Variants in MAP3K7CL observed in about 807,000 individuals in gnomAD.
The protein encoded by MAP3K7CL is MAP3K7 C-terminal like, also known as MAP3K7 C-terminal-like protein.
In MAP3K7CL, 16 loss-of-function variants were observed where a neutral mutation model predicts 18.6. The ratio of observed to expected loss-of-function variants is 0.86; its 90% confidence interval spans 0.58 to 1.31. The LOEUF is 1.31. Among genes scored for constraint, MAP3K7CL ranks in the 50% most tolerant of loss-of-function variants. MAP3K7CL has a pLI of 0.00. For synonymous variants in MAP3K7CL, 65 were observed against 66.8 expected (o/e 0.97, Z 0.13); for missense variants, 163 against 174.4 (o/e 0.93, Z 0.37).
intron 4 of MAP3K7CL, among the ~76,000 whole-genome samples, chr21:29,103,589 G>A (rs1440210958): frequency 6.6e-6 from 1 of 152,142 alleles, no homozygotes; most frequent in Non-Finnish European, 1.5e-5. Flanking sequence ...AAAAGAATTA[G>A]CCAGGCGTGG....
At chr21:29,132,343 G>A (rs2086794949) in intron 1 of MAP3K7CL, among the ~76,000 whole-genome samples, 3 of 152,004 alleles carry the variant, frequency 2.0e-5, no homozygotes, top group Admixed American at 2.0e-4. Flanking sequence ...TTTGATAGCT[G>A]GAGTAGAATA....
Position 29,140,844 on chromosome 21 carries a change from C to A in MAP3K7CL, c.70+7430C>A, listed in dbSNP as rs1444304086. Reference sequence around the variant, plus strand: ...CCAGGCTGGAGTGCAGTGGTGCAATCTTGGCTCACTAGAGCCTCAACCTCC... The same window carrying A: ...CCAGGCTGGAGTGCAGTGGTGCAATATTGGCTCACTAGAGCCTCAACCTCC... On this transcript the variant is annotated intron_variant, in intron 2 of 4. Coordinates refer to ENST00000399928, the MANE Select transcript of MAP3K7CL (RefSeq NM_001286620.2). 1.3e-5 allele frequency among the ~76,000 whole-genome samples: 2 copies of A among 152,186 alleles called. 1 individual carries two copies. The highest frequency in any genetic ancestry group is 4.1e-4 in the South Asian group (2 of 4,828).
At position 29,085,900 on chromosome 21, in the gene MAP3K7CL, G is replaced by C. The variant is rs140644118; in HGVS notation, c.40G>C (p.Glu14Gln). The C allele has an allele frequency of 8.7e-6, 14 of 1,614,102 alleles. No individual in the cohort carries two copies. The highest frequency in any genetic ancestry group is 1.2e-5 in the Non-Finnish European group (14 of 1,179,996). Residue 14 changes from glutamate to glutamine, a missense_variant, in exon 1 of 7, where the codon GAG becomes CAG. Transcript: ENST00000286791. ...TGCACCTTTAGAAGTTATGTGGAAC[G>C]AGGCAGCAGATCTTAAGGTATGTCC... is the stretch of plus-strand genomic sequence containing the variant.
intron 4 of MAP3K7CL, 94 bp downstream of exon 4, chr21:29,160,150 A>G: frequency 1.1e-6 from 1 of 882,584 alleles, no homozygotes; most frequent in Non-Finnish European, 1.8e-6. Flanking sequence ...TGTGAGGATG[A>G]CAGGGAGGCA....
Position 29,159,926 on chromosome 21 carries a change from T to C in MAP3K7CL, c.133-15T>C, listed in dbSNP as rs1365611969. The C allele has an allele frequency of 8.1e-6, 13 of 1,602,624 alleles. No individual in the cohort carries two copies. Among genetic ancestry groups the C allele is most frequent in the African/African-American group, 4.0e-5 (3 of 74,568 alleles). ...TGCAAAGAAATGGACTAATTTCTTC[T>C]TGTTGTTTGTGAAGCCCCTGCCGCC... On this transcript the variant is annotated splice_polypyrimidine_tract_variant and intron_variant, in intron 3 of 4. Transcript: ENST00000399928.
intron 1 of MAP3K7CL, among the ~76,000 whole-genome samples, chr21:29,088,281 T>C (rs1304361195): frequency 6.6e-6 from 1 of 152,362 alleles, no homozygotes; most frequent in East Asian, 1.9e-4. Flanking sequence ...AAAGTTTAAA[T>C]GTAACCATAA....
chr21:29,147,223 A>G (rs1205936801), intron 2 of MAP3K7CL, among the ~76,000 whole-genome samples: 1 of 152,002 alleles, frequency 6.6e-6, no homozygotes, highest in African/African-American at 2.4e-5. Context: ...GTATATATGT[A>G]TAGGTACTAT....
chr21:29,123,684 G>A (rs2086636074), intron 4 of MAP3K7CL, among the ~76,000 whole-genome samples: 1 of 152,196 alleles, frequency 6.6e-6, no homozygotes, highest in African/African-American at 2.4e-5. Context: ...GAAAATGTTT[G>A]TGATAAAATT....
At chr21:29,139,873 G>A (rs928344004) in intron 2 of MAP3K7CL, among the ~76,000 whole-genome samples, 2 of 146,230 alleles carry the variant, frequency 1.4e-5, no homozygotes, top group Admixed American at 6.8e-5. Context: ...AGTGAGCCAC[G>A]ACGCCCAGGC....
chr21:29,151,243 A>G (rs1159677302), intron 3 of MAP3K7CL, among the ~76,000 whole-genome samples: 1 of 151,318 alleles, frequency 6.6e-6, no homozygotes, highest in East Asian at 2.0e-4. Context: ...TGGGAGGCTG[A>G]GGCGGGTGGA....
chr21:29,159,963 C>A lies in MAP3K7CL; in HGVS notation c.155C>A (p.Ser52Tyr). 6.2e-7 allele frequency: 1 copy of A among 1,613,782 alleles called. No individual in the cohort carries two copies. Among genetic ancestry groups the A allele is most frequent in the African/African-American group, 1.3e-5 (1 of 75,002 alleles). ...AAGCCCCTGCCGCCTTGTCATGACT[C>A]CGAGGAATCCATGGAGGTGTTCAAA... The part of the protein sequence containing the change: ...QLQPLPPCHD[S>Y]EESMEVFKQH... The change falls in exon 4 of 5, where the codon TCC becomes TAC. Residue 52 changes from serine (S) to tyrosine (Y), a missense_variant. By Grantham distance (144) the Ser-to-Tyr change is moderately radical. Transcript: ENST00000399928.
intron 4 of MAP3K7CL, chr21:29,109,089 A>G (rs2086374425): frequency 1.3e-6 from 2 of 1,535,192 alleles, no homozygotes; most frequent in South Asian, 1.2e-5. Context: ...CTTGTTCATC[A>G]TTTCATTTCC....
At chr21:29,138,393 A>G (rs2086929940) in intron 2 of MAP3K7CL, among the ~76,000 whole-genome samples, 1 of 152,258 alleles carries the variant, frequency 6.6e-6, no homozygotes. Context: ...CTTAATAGAA[A>G]AAGTGCAGAA....
intron 4 of MAP3K7CL, among the ~76,000 whole-genome samples, chr21:29,106,930 T>C (rs1228724758): frequency 6.6e-6 from 1 of 152,132 alleles, no homozygotes; most frequent in Non-Finnish European, 1.5e-5. Flanking sequence ...AGCTGCGGCT[T>C]GTTGGGGAAG....
chr21:29,103,183 T>A (rs771236015), intron 4 of MAP3K7CL, among the ~76,000 whole-genome samples: 1 of 152,192 alleles, frequency 6.6e-6, no homozygotes, highest in Non-Finnish European at 1.5e-5. Flanking sequence ...TGTCTGTTGG[T>A]TTATATAGTG....
intron 4 of MAP3K7CL, among the ~76,000 whole-genome samples, chr21:29,099,792 A>G (rs1452967823): frequency 6.6e-6 from 1 of 152,132 alleles, no homozygotes; most frequent in Non-Finnish European, 1.5e-5. Flanking sequence ...TTTAAAAAAA[A>G]CAAAAAAGGG....
chr21:29,105,435 G>A (rs1272771099), intron 4 of MAP3K7CL, among the ~76,000 whole-genome samples: 1 of 152,188 alleles, frequency 6.6e-6, no homozygotes, highest in Non-Finnish European at 1.5e-5. Context: ...TTGGCCTCAG[G>A]GAGGAGCTTC....
At position 29,118,860 on chromosome 21, in the gene MAP3K7CL, G is replaced by A. The variant is rs184067187; in HGVS notation, c.370+26279G>A. Among the ~76,000 whole-genome samples, 34 of 152,308 alleles carry A rather than the reference G, an allele frequency of 2.2e-4. 1 individual carries two copies. In the East Asian group the frequency reaches 5.0e-3, roughly 22 times the overall value. On this transcript the variant is annotated intron_variant, in intron 4 of 6. Coordinates refer to the MAP3K7CL transcript ENST00000286791. ...TAATTTTTCTTTAAGTTGTGCATGC[G>A]CATATGTTAAGGAGTCAAATAGTTC... is the stretch of plus-strand genomic sequence containing the variant.
intron 4 of MAP3K7CL, among the ~76,000 whole-genome samples, chr21:29,118,692 C>T (rs1333273514): frequency 1.3e-5 from 2 of 152,160 alleles, no homozygotes; most frequent in East Asian, 3.9e-4. Flanking sequence ...GAGAGAAGTT[C>T]GGTGTGACCC....
Sources: allele counts gnomAD v4.1 joint callset (sites outside exome capture counted in the v4.1 genomes callset), GRCh38; gene constraint gnomAD v4.1.1; transcripts MANE v1.5; gene names NCBI Gene and HGNC (gene_info 2026-07-23, HGNC 2026-07-21).